The following LARGE1 variants were observed in gnomAD, a reference collection of about 807,000 sequenced individuals.
LARGE1 encodes LARGE xylosyl- and glucuronyltransferase 1.
LARGE1 carries 43 observed loss-of-function variants against 87.6 expected under a neutral mutation model. The observed-to-expected ratio is 0.49, with a 90% CI of 0.38 to 0.63. LARGE1 has a LOEUF of 0.63. Among genes scored for constraint, LARGE1 ranks in the 30% least tolerant of loss-of-function variants. The probability of loss-of-function intolerance (pLI) is 0.00; values close to 1 mark genes in which losing one functional copy is unlikely to be tolerated. For missense variants in LARGE1, 802 were observed against 1,000.2 expected (o/e 0.80, Z 2.67); for synonymous variants, 434 against 394.6 (o/e 1.10, Z -1.18).
At chr22:33,406,016 T>C (rs996969399) in intron 7 of LARGE1, among the ~76,000 whole-genome samples, 4 of 152,150 alleles carry the variant, frequency 2.6e-5, no homozygotes, top group Non-Finnish European at 4.4e-5. Context: ...CTCAGTCTTA[T>C]CCAATCAGTA....
In LARGE1 at chr22:33,325,823, C is replaced by T. The variant is rs562716259; in HGVS notation, c.1288-9575G>A. On this transcript the variant is annotated intron_variant, in intron 10 of 14. Coordinates refer to ENST00000397394, the MANE Select transcript of LARGE1 (RefSeq NM_133642.5). ...ACTTGCTTTCACTTTTTGGTGGCTT[C>T]GTATCCACTATTTCATTTTTACTCC... Among the ~76,000 whole-genome samples the T allele has an allele frequency of 3.3e-5, 5 of 152,288 alleles. No homozygotes were observed. In the East Asian group the frequency reaches 5.8e-4, roughly 18 times the overall value.
intron 2 of LARGE1, among the ~76,000 whole-genome samples, chr22:33,681,654 C>T (rs560139346): frequency 1.3e-5 from 2 of 152,348 alleles, no homozygotes; most frequent in South Asian, 4.1e-4. Flanking sequence ...GTCTCCCACT[C>T]TATATTAGTC....
At position 33,826,344 on chromosome 22, in the gene LARGE1, C is replaced by CTTTTTTTTT. The variant is rs35127990; in HGVS notation, c.-82-64795_-82-64787dup. On this transcript the variant is annotated intron_variant, in intron 1 of 14. Coordinates refer to ENST00000397394, the MANE Select transcript of LARGE1 (RefSeq NM_133642.5). ...ATGTGTTCAATCTCCCTTTGCATAC[C>CTTTTTTTTT]TTTTTTTTTTTTTTTTAAGATGGAG... Among the ~76,000 whole-genome samples, 108 of 137,858 alleles carry CTTTTTTTTT rather than the reference C, an allele frequency of 7.8e-4. 1 individual carries two copies. The highest frequency in any genetic ancestry group is 6.6e-3 in the South Asian group (28 of 4,248). 90.4% of individuals were successfully genotyped at this position (137,858 alleles called of 152,430 possible).
At chr22:33,897,286 CACAT>C (rs1037922090) in intron 1 of LARGE1, among the ~76,000 whole-genome samples, 1 of 152,180 alleles carries the variant, frequency 6.6e-6, no homozygotes, top group Non-Finnish European at 1.5e-5. Context: ...GCAAAAACCC[CACAT>C]ACCTACTCCT....
intron 5 of LARGE1, among the ~76,000 whole-genome samples, chr22:33,586,000 ACT>A (rs932161187): frequency 3.3e-5 from 5 of 151,830 alleles, no homozygotes; most frequent in African/African-American, 1.2e-4. Flanking sequence ...CACCCGGCCC[ACT>A]CTCTCTTTTT....
chr22:33,749,569 T>C (rs2084233450), intron 2 of LARGE1, among the ~76,000 whole-genome samples: 1 of 152,182 alleles, frequency 6.6e-6, no homozygotes, highest in Non-Finnish European at 1.5e-5. Flanking sequence ...ATTTGCCCTA[T>C]AAAAAGTCCT....
intron 12 of LARGE1, among the ~76,000 whole-genome samples, chr22:33,284,287 T>G (rs1289521809): frequency 6.6e-6 from 1 of 152,060 alleles, no homozygotes; most frequent in Non-Finnish European, 1.5e-5. Context: ...ACTGGGCACT[T>G]TCAGGTTCCA....
At chr22:33,635,084 C>T (rs1158072626) in intron 3 of LARGE1, among the ~76,000 whole-genome samples, 4 of 151,168 alleles carry the variant, frequency 2.6e-5, no homozygotes, top group Non-Finnish European at 5.9e-5. Flanking sequence ...CACCACTGCA[C>T]TCTAGCCTGG....
intron 2 of LARGE1, among the ~76,000 whole-genome samples, chr22:33,712,352 A>G (rs1390477584): frequency 6.6e-6 from 1 of 152,186 alleles, no homozygotes; most frequent in Non-Finnish European, 1.5e-5. Flanking sequence ...CTGAGCATCT[A>G]AACAGCCTTC....
intron 1 of LARGE1, among the ~76,000 whole-genome samples, chr22:33,878,760 C>T (rs112227794): frequency 1.3e-5 from 2 of 152,140 alleles, no homozygotes. Flanking sequence ...CAGGCCATCA[C>T]CCCAGGAAAG....
chr22:33,813,444 T>C (rs934784905), intron 1 of LARGE1, among the ~76,000 whole-genome samples: 2 of 151,876 alleles, frequency 1.3e-5, no homozygotes, highest in African/African-American at 4.8e-5. Context: ...CACACACATC[T>C]TGGTGGAGGA....
At chr22:33,206,017 C>T (rs1171110304) in intron 11 of LARGE1, among the ~76,000 whole-genome samples, 15 of 142,174 alleles carry the variant, frequency 1.1e-4, no homozygotes, top group African/African-American at 2.6e-4. Context: ...TGCAGTGGCG[C>T]GATCTCTGCT....
At chr22:33,369,783 G>A (rs2064741424) in intron 9 of LARGE1, among the ~76,000 whole-genome samples, 3 of 152,036 alleles carry the variant, frequency 2.0e-5, no homozygotes, top group South Asian at 4.1e-4. Context: ...TGGCCAAGCT[G>A]GTCTCGAATT....
intron 6 of LARGE1, among the ~76,000 whole-genome samples, chr22:33,471,886 C>T (rs2068857802): frequency 1.3e-5 from 2 of 152,234 alleles, no homozygotes; most frequent in Non-Finnish European, 2.9e-5. Context: ...CCCGTCTCTA[C>T]TAAAAATACA....
At chr22:33,507,856 C>T (rs925954505) in intron 6 of LARGE1, among the ~76,000 whole-genome samples, 2 of 152,128 alleles carry the variant, frequency 1.3e-5, no homozygotes, top group African/African-American at 4.8e-5. Context: ...AATTACATAC[C>T]TAGGGGGACT....
chr22:33,857,718 A>G (rs961223911), intron 1 of LARGE1, among the ~76,000 whole-genome samples: 5 of 152,236 alleles, frequency 3.3e-5, no homozygotes, highest in Admixed American at 3.3e-4. Flanking sequence ...GGCTTGAGAA[A>G]AAATGACTAG....
chr22:33,695,859 G>T lies in LARGE1; in HGVS notation c.107-45191C>A, dbSNP rs185922793. On this transcript the variant is annotated intron_variant, in intron 2 of 14. Coordinates refer to ENST00000397394, the MANE Select transcript of LARGE1 (RefSeq NM_133642.5). ...CAGAACGTTCTGGAGTGATGAGGAA[G>T]TTCCCTCAAGCTCCTTCTCTGACAA... Among the ~76,000 whole-genome samples, 38 of 152,296 alleles carry T rather than the reference G, an allele frequency of 2.5e-4. 2 individuals are homozygous for T. Among genetic ancestry groups the T allele is most frequent in the Middle Eastern group, 3.4e-3 (1 of 294 alleles).
intron 2 of LARGE1, among the ~76,000 whole-genome samples, chr22:33,696,235 T>TTTTCTTTC (rs200751894): frequency 1.6e-5 from 2 of 127,442 alleles, no homozygotes; most frequent in African/African-American, 6.2e-5. Context: ...TATTCAGTAT[T>TTTTCTTTC]TTTCTTTCTT....
chr22:33,080,336 C>A, the LARGE1 span, among the ~76,000 whole-genome samples: 1 of 152,172 alleles, frequency 6.6e-6, no homozygotes, highest in Admixed American at 6.5e-5. Context: ...AAACAACCAC[C>A]AGATCTCAGT....
Sources: gnomAD v4.1 joint callset for allele counts (sites outside exome capture counted in the v4.1 genomes callset) on GRCh38, gnomAD v4.1.1 for gene constraint, MANE v1.5 for transcripts, NCBI Gene and HGNC (gene_info 2026-07-23, HGNC 2026-07-21) for gene names.